PTPRD: variants seen among roughly 807,000 people sequenced by gnomAD.
PTPRD encodes the protein receptor-type tyrosine-protein phosphatase delta.
In PTPRD, 34 loss-of-function variants were observed where a neutral mutation model predicts 214.5. The observed-to-expected ratio is 0.16, with a 90% confidence interval of 0.12 to 0.21. The LOEUF is 0.21. Among genes scored for constraint, PTPRD ranks in the 10% least tolerant of loss-of-function variants. PTPRD has a pLI of 1.00. For synonymous variants in PTPRD, 1,128 were observed against 845.7 expected (o/e 1.33, Z -5.79); for missense variants, 2,545 against 2,398.7 (o/e 1.06, Z -1.27).
chr9:9,319,126 A>G (rs959325909), intron 9 of PTPRD, among the ~76,000 whole-genome samples: 1 of 152,200 alleles, frequency 6.6e-6, no homozygotes, highest in Non-Finnish European at 1.5e-5. Context: ...TCTGCAAATC[A>G]ATAAAAATGT....
intron 11 of PTPRD, among the ~76,000 whole-genome samples, chr9:8,738,244 T>G (rs963613555): frequency 1.1e-4 from 16 of 152,218 alleles, no homozygotes; most frequent in African/African-American, 3.9e-4. Context: ...AATCACGGTT[T>G]CAAGCGATCA....
At chr9:9,072,280 TACACACACAC>T (rs201508445) in intron 10 of PTPRD, among the ~76,000 whole-genome samples, 48 of 135,714 alleles carry the variant, frequency 3.5e-4, no homozygotes, top group Non-Finnish European at 4.5e-4. Flanking sequence ...GCTGGCAACT[TACACACACAC>T]ACACACACAC....
chr9:10,557,448 G>GT (rs1374799500), intron 2 of PTPRD, among the ~76,000 whole-genome samples: 1 of 151,850 alleles, frequency 6.6e-6, no homozygotes, highest in African/African-American at 2.4e-5. Flanking sequence ...TTTTGTTTTT[G>GT]TTTTTTCCTT....
chr9:9,510,971 G>C (rs1294230545), intron 8 of PTPRD, among the ~76,000 whole-genome samples: 1 of 151,574 alleles, frequency 6.6e-6, no homozygotes, highest in Non-Finnish European at 1.5e-5. Flanking sequence ...TGGGACCTCT[G>C]GGAGACACTA....
At chr9:8,794,142 G>C (rs935154726) in intron 11 of PTPRD, among the ~76,000 whole-genome samples, 3 of 152,144 alleles carry the variant, frequency 2.0e-5, no homozygotes, top group African/African-American at 7.2e-5. Flanking sequence ...CCCTGTATTT[G>C]TGGAAAGACA....
intron 7 of PTPRD, among the ~76,000 whole-genome samples, chr9:9,646,227 T>C (rs1418827649): frequency 1.3e-5 from 2 of 152,070 alleles, no homozygotes; most frequent in African/African-American, 2.4e-5. Flanking sequence ...ATTTGTTATC[T>C]TGCCTCTGCT....
chr9:10,080,080 A>G (rs562648217), intron 3 of PTPRD, among the ~76,000 whole-genome samples: 1 of 152,226 alleles, frequency 6.6e-6, no homozygotes, highest in South Asian at 2.1e-4. Flanking sequence ...AGAAGGGGAA[A>G]ATTCCACTAA....
At chr9:10,115,406 G>A (rs2098722679) in intron 3 of PTPRD, among the ~76,000 whole-genome samples, 4 of 152,028 alleles carry the variant, frequency 2.6e-5, no homozygotes, top group Admixed American at 1.3e-4. Flanking sequence ...ATAAAATTAT[G>A]TTGCCTTTAG....
At chr9:9,426,209 T>A (rs2080855402) in intron 8 of PTPRD, among the ~76,000 whole-genome samples, 1 of 152,178 alleles carries the variant, frequency 6.6e-6, no homozygotes, top group Non-Finnish European at 1.5e-5. Context: ...ACTCCCACCC[T>A]AATACTGCAC....
chr9:8,486,662 T>C (rs1341429258), intron 27 of PTPRD, among the ~76,000 whole-genome samples: 1 of 152,210 alleles, frequency 6.6e-6, no homozygotes, highest in Non-Finnish European at 1.5e-5. Context: ...ATATCAAAGA[T>C]AAATTAATTT....
chr9:9,861,504 A>C (rs988478700), intron 5 of PTPRD, among the ~76,000 whole-genome samples: 3 of 152,100 alleles, frequency 2.0e-5, no homozygotes, highest in African/African-American at 7.2e-5. Context: ...GATGGCCAGG[A>C]TGGTCTCAAT....
intron 8 of PTPRD, among the ~76,000 whole-genome samples, chr9:9,409,281 C>G (rs2074579925): frequency 6.6e-6 from 1 of 152,018 alleles, no homozygotes; most frequent in South Asian, 2.1e-4. Flanking sequence ...TATCCAATAG[C>G]AAGCTTTAAT....
chr9:9,396,889 T>C (rs958789954), intron 9 of PTPRD, among the ~76,000 whole-genome samples: 1 of 152,012 alleles, frequency 6.6e-6, no homozygotes, highest in Non-Finnish European at 1.5e-5. Context: ...ATATGTTGTG[T>C]TTATTCTTCC....
chr9:9,553,885 G>C (rs2154286132), intron 8 of PTPRD, among the ~76,000 whole-genome samples: 1 of 152,066 alleles, frequency 6.6e-6, no homozygotes, highest in Non-Finnish European at 1.5e-5. Context: ...GGCCCTACTG[G>C]AGTGAAGGAG....
At chr9:9,381,951 G>T (rs10816103) in intron 9 of PTPRD, among the ~76,000 whole-genome samples, 41,115 of 150,820 alleles carry the variant, frequency 0.27, 5,789 homozygotes, top group Middle Eastern at 0.39. Context: ...AACATTGAAT[G>T]TATAGATCAC....
intron 7 of PTPRD, among the ~76,000 whole-genome samples, chr9:9,603,716 C>T (rs911830570): frequency 6.6e-6 from 1 of 152,070 alleles, no homozygotes; most frequent in Non-Finnish European, 1.5e-5. Context: ...AGAAACTATC[C>T]CCACCATGTG....
intron 9 of PTPRD, among the ~76,000 whole-genome samples, chr9:9,384,064 C>T (rs1434763461): frequency 6.6e-6 from 1 of 151,524 alleles, no homozygotes. Flanking sequence ...CATTCTATTA[C>T]TAATTATATT....
rs748586269 is a variant in PTPRD, at chr9:8,500,865, G to C, written c.2017C>G (p.Leu673Val). 1 of 1,614,122 alleles carries C rather than the reference G, an allele frequency of 6.2e-7. No individual in the cohort carries two copies. The highest frequency in any genetic ancestry group is 8.5e-7 in the Non-Finnish European group (1 of 1,180,008). Residue 673 changes from leucine to valine, a missense_variant, in exon 24 of 46, where the codon CTT (leucine) becomes GTT (valine). Transcript: ENST00000381196. ...GTCCATTTTTCCAGCTGTTCCAAAA[G>C]GTATTTGGTAGTGTCCGAAGGAATT... ...LGIPSDTTKY[L>V]LEQLEKWTEY... is the part of the protein sequence containing the mutation.
chr9:9,329,122 G>A (rs2041317536), intron 9 of PTPRD, among the ~76,000 whole-genome samples: 1 of 151,970 alleles, frequency 6.6e-6, no homozygotes, highest in Non-Finnish European at 1.5e-5. Flanking sequence ...ACCTCCAATT[G>A]TGCAGTAATG....
Sources: allele counts gnomAD v4.1 joint callset (sites outside exome capture counted in the v4.1 genomes callset), GRCh38; gene constraint gnomAD v4.1.1; transcripts MANE v1.5; gene names NCBI Gene and HGNC (gene_info 2026-07-23, HGNC 2026-07-21).